The following CAMK2G variants were observed in gnomAD, a reference collection of about 807,000 sequenced individuals.
The protein encoded by CAMK2G is calcium/calmodulin dependent protein kinase II gamma, also known as calcium/calmodulin-dependent protein kinase type II subunit gamma.
CAMK2G carries 23 observed loss-of-function variants against 88.7 expected under a neutral mutation model. The observed-to-expected ratio is 0.26, with a 90% CI of 0.19 to 0.37. CAMK2G has a LOEUF of 0.37. Ranked by LOEUF, CAMK2G falls within the 10% of genes least tolerant of loss-of-function variation. CAMK2G has a pLI of 1.00. For missense variants in CAMK2G, 476 were observed against 780.8 expected, an observed-to-expected ratio of 0.61 and a Z score of 4.65; for synonymous variants, 263 against 294.8, an observed-to-expected ratio of 0.89 and a Z score of 1.11.
At chr10:73,838,431 G>T (rs2093457258) in intron 13 of CAMK2G, among the ~76,000 whole-genome samples, 1 of 152,230 alleles carries the variant, frequency 6.6e-6, no homozygotes, top group Non-Finnish European at 1.5e-5. Flanking sequence ...TATAAAATGG[G>T]ATAAAGTAGG....
intron 3 of CAMK2G, among the ~76,000 whole-genome samples, chr10:73,858,283 C>T (rs1565458959): frequency 6.6e-6 from 1 of 152,234 alleles, no homozygotes; most frequent in Non-Finnish European, 1.5e-5. Flanking sequence ...TGTTCTTGGG[C>T]TGGCCCGTTT....
chr10:73,844,166 T>C (rs1046023726), intron 10 of CAMK2G, among the ~76,000 whole-genome samples: 1 of 151,924 alleles, frequency 6.6e-6, no homozygotes, highest in African/African-American at 2.4e-5. Context: ...AATAATGGCT[T>C]ACTGCAACCT....
chr10:73,824,234 C>T (rs1417661329), intron 16 of CAMK2G, 150 bp from the exon 17 acceptor site: 29 of 634,354 alleles, frequency 4.6e-5, no homozygotes, highest in Admixed American at 5.0e-5. Flanking sequence ...CAAAATATCC[C>T]GGCTCAACTG....
chr10:73,825,423 T>G, intron 15 of CAMK2G, 76 bp from the exon 16 acceptor site: 1 of 1,147,702 alleles, frequency 8.7e-7, no homozygotes, highest in Non-Finnish European at 1.3e-6. Context: ...AGACCTCCCT[T>G]GCCCCCTGGT....
intron 15 of CAMK2G, among the ~76,000 whole-genome samples, chr10:73,826,790 T>C (rs555583370): frequency 6.6e-6 from 1 of 152,220 alleles, no homozygotes; most frequent in African/African-American, 2.4e-5. Flanking sequence ...ACTTCTTGCC[T>C]GGAGGCCTCT....
intron 10 of CAMK2G, chr10:73,846,608 A>G (rs1258205072): frequency 6.6e-6 from 1 of 152,236 alleles, no homozygotes; most frequent in Non-Finnish European, 1.5e-5. Context: ...TTTAATAAAC[A>G]CAGAATGGAC....
rs532398214 is a variant in CAMK2G, at chr10:73,849,215, GC to G, written c.414+45del. 2.8e-5 allele frequency: 44 copies of G among 1,580,204 alleles called. 1 individual carries two copies. The South Asian group carries it at 4.8e-4, about 17-fold the overall frequency. On this transcript the variant is annotated intron_variant, in intron 6 of 22. Coordinates refer to ENST00000423381, the MANE Select transcript of CAMK2G (RefSeq NM_001367534.1). ...GTACCACTATCTGGCACCAGGTGGC[GC>G]CAACACTTCATGAGCAGAGGCACGG...
chr10:73,831,534 T>TAAA (rs985986206), intron 14 of CAMK2G, among the ~76,000 whole-genome samples: 2 of 54,608 alleles, frequency 3.7e-5, no homozygotes, highest in South Asian at 6.0e-4. Flanking sequence ...AGACTCCGTC[T>TAAA]AAAAAAAAAA....
At chr10:73,844,799 G>A (rs943429891) in intron 10 of CAMK2G, among the ~76,000 whole-genome samples, 1 of 151,848 alleles carries the variant, frequency 6.6e-6, no homozygotes, top group Admixed American at 6.6e-5. Context: ...CTCCCTCTTC[G>A]TCTCACTGAA....
chr10:73,849,164 G>A (rs376576026), intron 6 of CAMK2G, 49 bp from the exon 7 acceptor site: 1 of 1,577,090 alleles, frequency 6.3e-7, no homozygotes, highest in Non-Finnish European at 8.7e-7. Flanking sequence ...CTGCAGCCCA[G>A]AGGAAGCCTA....
At chr10:73,862,804 C>A (rs1254361249) in intron 2 of CAMK2G, among the ~76,000 whole-genome samples, 1 of 152,184 alleles carries the variant, frequency 6.6e-6, no homozygotes, top group Non-Finnish European at 1.5e-5. Flanking sequence ...CGGGCAGGGG[C>A]CTTCACATCC....
chr10:73,849,582 C>G (rs966408172), intron 5 of CAMK2G, among the ~76,000 whole-genome samples: 12 of 152,306 alleles, frequency 7.9e-5, no homozygotes, highest in East Asian at 5.8e-4. Context: ...CCTCTCACCC[C>G]CTTTTGACTG....
intron 14 of CAMK2G, 102 bp from the exon 15 acceptor site, chr10:73,828,223 A>ACT (rs1757811863): frequency 4.2e-6 from 4 of 963,674 alleles, no homozygotes; most frequent in Admixed American, 1.9e-5. Flanking sequence ...GCTCTGCATC[A>ACT]GGGAGAAAAG....
intron 2 of CAMK2G, among the ~76,000 whole-genome samples, chr10:73,867,242 G>A (rs1041045699): frequency 1.3e-5 from 2 of 152,212 alleles, no homozygotes; most frequent in African/African-American, 4.8e-5. Context: ...GGAAGCGAGA[G>A]GCTCCAAGAA....
intron 14 of CAMK2G, among the ~76,000 whole-genome samples, chr10:73,831,172 T>C (rs1443513495): frequency 6.6e-6 from 1 of 152,170 alleles, no homozygotes; most frequent in Non-Finnish European, 1.5e-5. Context: ...GCAGCCACAA[T>C]ACAAGCAATT....
chr10:73,826,401 C>G (rs1157476816), intron 15 of CAMK2G, among the ~76,000 whole-genome samples: 1 of 152,186 alleles, frequency 6.6e-6, no homozygotes, highest in East Asian at 1.9e-4. Flanking sequence ...CCACTGCACT[C>G]CAGCCTGGGC....
Position 73,837,515 on chromosome 10 carries a change from T to A in CAMK2G, c.1010-4A>T. 1 of 1,612,900 alleles carries A rather than the reference T, an allele frequency of 6.2e-7. No individual in the cohort carries two copies. The stretch of plus-strand genomic sequence containing the variant: ...TTGTTCAATAGGCTTTTGGCAGCTG[T>A]GAAAACAAAGAGGAATATCAAGTCT... On this transcript the variant is annotated splice_polypyrimidine_tract_variant and splice_region_variant and intron_variant, in intron 13 of 22. Transcript: ENST00000423381.
At chr10:73,865,531 A>T (rs2135727774) in intron 2 of CAMK2G, among the ~76,000 whole-genome samples, 1 of 152,210 alleles carries the variant, frequency 6.6e-6, no homozygotes, top group Non-Finnish European at 1.5e-5. Flanking sequence ...TCCTGTAGTC[A>T]CATCCAGGGC....
At position 73,842,448 on chromosome 10, in the gene CAMK2G, C is replaced by G; in HGVS notation, c.903+10G>C. On this transcript the variant is annotated intron_variant, in intron 11 of 22. Transcript: ENST00000423381. This position sits in a 1 kb window ranked among gnomAD's most constrained non-coding sequence, Gnocchi z 4.6. Reference sequence around the variant, plus strand: ...GTCAAGGAGGCTGGCAGCCTAGAAACGACACTCACCTTCAGTTTTCTCCGG... The same window carrying G: ...GTCAAGGAGGCTGGCAGCCTAGAAAGGACACTCACCTTCAGTTTTCTCCGG... The G allele has an allele frequency of 6.2e-7, 1 of 1,601,942 alleles. No individual in the cohort carries two copies. The highest frequency in any genetic ancestry group is 8.6e-7 in the Non-Finnish European group (1 of 1,168,874).
Sources: allele counts gnomAD v4.1 joint callset (sites outside exome capture counted in the v4.1 genomes callset), GRCh38; gene constraint gnomAD v4.1.1; non-coding constraint Gnocchi (gnomAD v3.1); transcripts MANE v1.5; gene names NCBI Gene and HGNC (gene_info 2026-07-23, HGNC 2026-07-21).